COL11A1: variants seen among roughly 807,000 people sequenced by gnomAD.
COL11A1 encodes collagen alpha-1(XI) chain.
Under a neutral mutation model 265.2 loss-of-function variants are expected in COL11A1, and 74 were observed. That is an observed-to-expected ratio of 0.28 (90% CI 0.23 to 0.34). The LOEUF is 0.34. Ranked by LOEUF, COL11A1 falls within the 10% of genes least tolerant of loss-of-function variation. The probability of loss-of-function intolerance (pLI) is 1.00; values close to 1 mark genes in which losing one functional copy is unlikely to be tolerated. For synonymous variants in COL11A1, 816 were observed against 727.6 expected, an observed-to-expected ratio of 1.12 and a Z score of -1.96; for missense variants, 2,165 against 2,263.6, an observed-to-expected ratio of 0.96 and a Z score of 0.88.
chr1:102,904,849 A>G (rs1198684009), intron 54 of COL11A1, among the ~76,000 whole-genome samples: 3 of 152,102 alleles, frequency 2.0e-5, no homozygotes, highest in Non-Finnish European at 2.9e-5. Flanking sequence ...TAGAAATACC[A>G]TTTGACCCAG....
intron 44 of COL11A1, 56 bp downstream of exon 44, chr1:102,938,979 A>C: frequency 6.7e-7 from 1 of 1,483,692 alleles, no homozygotes; most frequent in Non-Finnish European, 9.4e-7. Flanking sequence ...ATCAATGGTA[A>C]ACAGTAAAAG....
intron 41 of COL11A1, among the ~76,000 whole-genome samples, chr1:102,956,277 T>G (rs1269020062): frequency 6.6e-6 from 1 of 152,184 alleles, no homozygotes; most frequent in Non-Finnish European, 1.5e-5. Flanking sequence ...TGTTCTCACC[T>G]TTGTGTTTTC....
chr1:103,062,621 T>C (rs1558012949), intron 4 of COL11A1, among the ~76,000 whole-genome samples: 1 of 152,002 alleles, frequency 6.6e-6, no homozygotes, highest in Non-Finnish European at 1.5e-5. Context: ...AATACAGCAT[T>C]CATTCATGAT....
chr1:102,996,522 A>C (rs1458873670), intron 26 of COL11A1, among the ~76,000 whole-genome samples: 1 of 151,824 alleles, frequency 6.6e-6, no homozygotes. Context: ...TAGTCTATCT[A>C]GATAAAATGT....
chr1:103,008,893 T>A (rs984060690), intron 14 of COL11A1, among the ~76,000 whole-genome samples: 1 of 152,190 alleles, frequency 6.6e-6, no homozygotes, highest in Non-Finnish European at 1.5e-5. Context: ...CCAAATCAGA[T>A]ATACATGTAA....
intron 56 of COL11A1, 67 bp from the exon 57 acceptor site, chr1:102,898,245 A>ATT: frequency 2.7e-6 from 2 of 734,532 alleles, no homozygotes; most frequent in Non-Finnish European, 3.7e-6. Context: ...TATTTATTTT[A>ATT]AATTTTAGAA....
Position 102,995,847 on chromosome 1 carries a change from A to T in COL11A1, c.2340+17T>A. The T allele has an allele frequency of 3.1e-6, 5 of 1,591,170 alleles. No homozygotes were observed. Among genetic ancestry groups the T allele is most frequent in the Non-Finnish European group, 4.3e-6 (5 of 1,161,150 alleles). ...TAATACACAGAAATTAATACCATCT[A>T]AACAATTAAATTTTACCTTTTCACC... On this transcript the variant is annotated intron_variant, in intron 28 of 66. Coordinates refer to ENST00000370096, the MANE Select transcript of COL11A1 (RefSeq NM_001854.4).
At chr1:102,962,792 G>T (rs201749912) in intron 38 of COL11A1, 32 bp from the exon 39 acceptor site, 1 of 1,587,662 alleles carries the variant, frequency 6.3e-7, no homozygotes, top group African/African-American at 1.3e-5. Context: ...ACTTTAGATT[G>T]CTCTTTTATT....
intron 41 of COL11A1, among the ~76,000 whole-genome samples, chr1:102,950,531 C>A (rs1018832634): frequency 1.3e-5 from 2 of 152,064 alleles, no homozygotes; most frequent in Non-Finnish European, 2.9e-5. Context: ...ATTCAACTCA[C>A]ATTCTTAGAA....
chr1:103,067,648 ATT>A (rs1671257695), intron 4 of COL11A1, among the ~76,000 whole-genome samples: 1 of 151,764 alleles, frequency 6.6e-6, no homozygotes. Flanking sequence ...AAGAGTGACA[ATT>A]AACAGAGCCT....
intron 1 of COL11A1, among the ~76,000 whole-genome samples, chr1:103,091,330 T>C (rs374845855): frequency 1.3e-5 from 2 of 152,064 alleles, no homozygotes; most frequent in East Asian, 3.8e-4. Context: ...TTGACTTAAA[T>C]ACTCCCATAT....
chr1:102,953,860 T>C (rs778910772), intron 41 of COL11A1, among the ~76,000 whole-genome samples: 5 of 152,284 alleles, frequency 3.3e-5, no homozygotes, highest in Non-Finnish European at 7.4e-5. Flanking sequence ...GTAAGAAGGA[T>C]AGATATTTTA....
At chr1:103,006,225 A>T in intron 16 of COL11A1, 37 bp downstream of exon 16, 1 of 1,569,608 alleles carries the variant, frequency 6.4e-7, no homozygotes, top group East Asian at 2.3e-5. Context: ...TGATCATGGC[A>T]GATGCCTTCA....
chr1:103,102,046 A>G (rs1674319760), intron 1 of COL11A1, among the ~76,000 whole-genome samples: 1 of 152,006 alleles, frequency 6.6e-6, no homozygotes, highest in African/African-American at 2.4e-5. Flanking sequence ...AATAGATATT[A>G]CTCACTAAAT....
chr1:102,973,387 T>TA (rs915026826), intron 36 of COL11A1, among the ~76,000 whole-genome samples: 1 of 151,940 alleles, frequency 6.6e-6, no homozygotes, highest in African/African-American at 2.4e-5. Flanking sequence ...AAAAGTCTGA[T>TA]AAAAAAATGA....
intron 49 of COL11A1, among the ~76,000 whole-genome samples, chr1:102,917,168 G>A (rs149895454): frequency 7.9e-5 from 12 of 151,776 alleles, no homozygotes; most frequent in Non-Finnish European, 1.0e-4. Context: ...CAACTACAAG[G>A]CTGTAGTAAC....
At chr1:103,067,661 G>A (rs1304716116) in intron 4 of COL11A1, among the ~76,000 whole-genome samples, 1 of 151,642 alleles carries the variant, frequency 6.6e-6, no homozygotes, top group Non-Finnish European at 1.5e-5. Context: ...AACAGAGCCT[G>A]AAACTGGTTT....
intron 5 of COL11A1, among the ~76,000 whole-genome samples, chr1:103,028,883 C>T (rs574960315): frequency 6.6e-6 from 1 of 152,162 alleles, no homozygotes; most frequent in East Asian, 1.9e-4. Flanking sequence ...ATAGATTTAA[C>T]ATCTAATTTT....
At chr1:102,939,943 A>C (rs1658551864) in intron 43 of COL11A1, among the ~76,000 whole-genome samples, 1 of 152,140 alleles carries the variant, frequency 6.6e-6, no homozygotes, top group Non-Finnish European at 1.5e-5. Context: ...TTATGAAGTA[A>C]ATATGTAGCT....
Sources: allele counts gnomAD v4.1 joint callset (sites outside exome capture counted in the v4.1 genomes callset), GRCh38; gene constraint gnomAD v4.1.1; transcripts MANE v1.5; gene names NCBI Gene and HGNC (gene_info 2026-07-23, HGNC 2026-07-21).